FAT1: variants seen among roughly 807,000 people sequenced by gnomAD.
FAT1 encodes FAT atypical cadherin 1.
In FAT1, 171 loss-of-function variants were observed where a neutral mutation model predicts 329.8. The observed-to-expected ratio is 0.52, with a 90% CI of 0.46 to 0.59. The LOEUF (loss-of-function observed/expected upper bound fraction) is 0.59. FAT1 is among the 20% of genes least tolerant of loss of function. The pLI is 0.00. For missense variants in FAT1, 5,672 were observed against 5,774.4 expected (o/e 0.98, Z 0.57); for synonymous variants, 2,233 against 2,228.6 (o/e 1.00, Z -0.06).
chr4:186,646,410 A>C (rs1359541800), intron 3 of FAT1, among the ~76,000 whole-genome samples: 2 of 152,204 alleles, frequency 1.3e-5, no homozygotes, highest in Non-Finnish European at 2.9e-5. Flanking sequence ...TGTCCAACAG[A>C]AATTTCTGTG....
chr4:186,634,489 A>T (rs1740737903), intron 6 of FAT1, among the ~76,000 whole-genome samples: 1 of 152,148 alleles, frequency 6.6e-6, no homozygotes, highest in African/African-American at 2.4e-5. Context: ...TCTACTACTA[A>T]ATCTAACCAA....
At chr4:186,675,497 T>C (rs1180364903) in intron 2 of FAT1, among the ~76,000 whole-genome samples, 1 of 152,112 alleles carries the variant, frequency 6.6e-6, no homozygotes, top group African/African-American at 2.4e-5. Flanking sequence ...TAGTGGCTCA[T>C]GCCTGTAATT....
rs1350200944 is a variant in FAT1 at position 186,620,027 on chromosome 4, A to G, written c.6559T>C (p.Tyr2187His). The change falls in exon 10 of 27, where the codon TAC becomes CAC. Residue 2187 changes from tyrosine to histidine, a missense_variant. Tyr to His is a moderately conservative substitution (Grantham distance 83). Coordinates refer to ENST00000441802, the MANE Select transcript of FAT1 (RefSeq NM_005245.4). The part of the protein sequence containing the change: ...KAMPVFEKPF[Y>H]SAEIAESIQV... Reference sequence around the variant, plus strand: ...ATGCTCTCTGCAATCTCTGCACTGTAGAAAGGTTTTTCAAACACAGGCATG... The same window carrying G: ...ATGCTCTCTGCAATCTCTGCACTGTGGAAAGGTTTTTCAAACACAGGCATG... 1 of 1,613,910 alleles carries G rather than the reference A, an allele frequency of 6.2e-7. No homozygotes were observed. Among genetic ancestry groups the G allele is most frequent in the Non-Finnish European group, 8.5e-7 (1 of 1,179,906 alleles).
chr4:186,627,020 A>C (rs1242685440), intron 9 of FAT1, among the ~76,000 whole-genome samples: 2 of 127,918 alleles, frequency 1.6e-5, no homozygotes, highest in Non-Finnish European at 1.6e-5. Context: ...GAATGAATGA[A>C]TGAATGAATG....
At position 186,621,242 on chromosome 4, in the gene FAT1, T is replaced by C. The variant is rs776845376; in HGVS notation, c.5344A>G (p.Ser1782Gly). ...GLISESASIN[S>G]VVLTDRNVPL... ...ACATTCCTGTCTGTTAGGACCACGC[T>C]GTTAATTGAGGCTGATTCACTAATG... Residue 1782 changes from serine (S) to glycine (G), a missense_variant, in exon 10 of 27, where the codon AGC (serine) becomes GGC (glycine). This residue lies in a region of FAT1 where 3,966 missense variants were observed against 3,915.2 expected (regional missense o/e 1.01). Transcript: ENST00000441802. 6.2e-7 allele frequency: 1 copy of C among 1,613,944 alleles called. No homozygotes were observed. Among genetic ancestry groups the C allele is most frequent in the Non-Finnish European group, 8.5e-7 (1 of 1,179,902 alleles).
chr4:186,718,551 C>T (rs965834064), intron 1 of FAT1, among the ~76,000 whole-genome samples: 2 of 152,044 alleles, frequency 1.3e-5, no homozygotes, highest in Admixed American at 6.5e-5. Flanking sequence ...CCTGTAGTCC[C>T]AGCTACTCAG....
At chr4:186,721,008 G>A (rs759134862) in intron 1 of FAT1, among the ~76,000 whole-genome samples, 9 of 152,152 alleles carry the variant, frequency 5.9e-5, no homozygotes, top group African/African-American at 1.7e-4. Flanking sequence ...CCCACCTTAC[G>A]CTGCCTCAAA....
intron 3 of FAT1, among the ~76,000 whole-genome samples, chr4:186,642,574 A>ATATTT (rs1352429405): frequency 6.6e-6 from 1 of 152,242 alleles, no homozygotes; most frequent in South Asian, 2.1e-4. Flanking sequence ...TAAGTGAGCC[A>ATATTT]ACAGAGAATG....
At chr4:186,674,612 C>T (rs1488307512) in intron 2 of FAT1, among the ~76,000 whole-genome samples, 2 of 152,234 alleles carry the variant, frequency 1.3e-5, no homozygotes, top group South Asian at 2.1e-4. Context: ...CCAAACAGAT[C>T]CCTGTATAGA....
At chr4:186,646,444 G>T (rs1005637859) in intron 3 of FAT1, among the ~76,000 whole-genome samples, 4 of 152,088 alleles carry the variant, frequency 2.6e-5, no homozygotes, top group African/African-American at 9.7e-5. Flanking sequence ...TCTATAATTT[G>T]CACTGTCCAA....
chr4:186,607,285 A>T (rs1739189559), intron 16 of FAT1, among the ~76,000 whole-genome samples: 1 of 152,232 alleles, frequency 6.6e-6, no homozygotes, highest in South Asian at 2.1e-4. Context: ...TACCTCTCTG[A>T]GGTAGTTCCT....
At chr4:186,701,624 C>A (rs896138235) in intron 2 of FAT1, among the ~76,000 whole-genome samples, 1 of 152,312 alleles carries the variant, frequency 6.6e-6, no homozygotes. Context: ...CAGCAGCCAC[C>A]CAGCTCTCAG....
intron 2 of FAT1, among the ~76,000 whole-genome samples, chr4:186,686,245 C>CT (rs531343401): frequency 1.4e-5 from 2 of 146,912 alleles, no homozygotes; most frequent in African/African-American, 2.5e-5. Flanking sequence ...TTCACCCCCC[C>CT]CCGACATTCT....
At chr4:186,605,325 G>T (rs1739062167) in intron 17 of FAT1, among the ~76,000 whole-genome samples, 1 of 143,078 alleles carries the variant, frequency 7.0e-6, no homozygotes, top group East Asian at 2.1e-4. Context: ...AGGAGGAGGG[G>T]TAGTGAGGAG....
At chr4:186,614,143 G>C in intron 12 of FAT1, 48 bp downstream of exon 12, 1 of 1,499,376 alleles carries the variant, frequency 6.7e-7, no homozygotes, top group South Asian at 1.3e-5. Context: ...CCACATATAT[G>C]ATACTGTTGG....
At position 186,706,887 on chromosome 4, in the gene FAT1, C is replaced by T. The variant is rs374419504; in HGVS notation, c.2941G>A (p.Gly981Arg). The T allele has an allele frequency of 6.2e-7, 1 of 1,613,998 alleles. No homozygotes were observed. The highest frequency in any genetic ancestry group is 8.5e-7 in the Non-Finnish European group (1 of 1,179,884). Reference protein sequence around the residue: ...EGNFDVDKLSGAVRIVQQLDF... With the variant: ...EGNFDVDKLSRAVRIVQQLDF... ...AACTGCTGGACGATCCTAACTGCTC[C>T]ACTGAGTTTATCCACATCGAAGTTT... Residue 981 changes from glycine to arginine, a missense_variant, in exon 2 of 27, where the codon GGA (glycine) becomes AGA (arginine). Gly to Arg is a moderately radical substitution (Grantham distance 125). Coordinates refer to ENST00000441802, the MANE Select transcript of FAT1 (RefSeq NM_005245.4).
At chr4:186,703,454 T>C (rs572529271) in intron 2 of FAT1, among the ~76,000 whole-genome samples, 1 of 152,336 alleles carries the variant, frequency 6.6e-6, no homozygotes, top group African/African-American at 2.4e-5. Context: ...GAAAAGTATA[T>C]AAATGATACA....
chr4:186,643,593 T>C (rs1320448787), intron 3 of FAT1, among the ~76,000 whole-genome samples: 1 of 152,118 alleles, frequency 6.6e-6, no homozygotes, highest in African/African-American at 2.4e-5. Flanking sequence ...TTCCTAATGA[T>C]GTAATTTAAT....
intron 3 of FAT1, among the ~76,000 whole-genome samples, chr4:186,654,259 A>G (rs1275088188): frequency 1.4e-4 from 21 of 152,232 alleles, no homozygotes; most frequent in Non-Finnish European, 1.5e-5. Context: ...GGGCTCTTGT[A>G]AAGATGAAGT....
Sources: gnomAD v4.1 joint callset for allele counts (sites outside exome capture counted in the v4.1 genomes callset) on GRCh38, gnomAD v4.1.1 for gene constraint, gnomAD v4.1.1 regional missense constraint, MANE v1.5 for transcripts, NCBI Gene and HGNC (gene_info 2026-07-23, HGNC 2026-07-21) for gene names.